The following RAPGEF2 variants were observed in gnomAD, a reference collection of about 807,000 sequenced individuals.
RAPGEF2 encodes PDZ domain containing guanine nucleotide exchange factor (GEF) 1.
A neutral mutation model predicts 186.7 loss-of-function variants in RAPGEF2; 54 were observed. The ratio of observed to expected loss-of-function variants is 0.29; its 90% CI spans 0.23 to 0.36. The LOEUF (loss-of-function observed/expected upper bound fraction) is 0.36, where lower values mean the gene tolerates loss of function less well. RAPGEF2 is among the 10% of genes least tolerant of loss of function. The pLI is 1.00. For synonymous variants in RAPGEF2, 712 were observed against 705.9 expected (o/e 1.01, Z -0.14); for missense variants, 1,532 against 2,045.0 (o/e 0.75, Z 4.84).
chr4:159,119,925 T>C lies in RAPGEF2; in HGVS notation c.69+15694T>C, dbSNP rs116722162. ...ATTTCATTTTTTTGGGTGCTCCAATTGTATGTACTGATATGTCTACTTGTA... is the reference window on the plus strand; with the variant it reads ...ATTTCATTTTTTTGGGTGCTCCAATCGTATGTACTGATATGTCTACTTGTA... On this transcript the variant is annotated intron_variant, in intron 1 of 29. Coordinates refer to ENST00000691494, the MANE Select transcript of RAPGEF2 (RefSeq NM_001394067.2). 8.6e-3 allele frequency among the ~76,000 whole-genome samples: 1,308 copies of C among 152,348 alleles called. 24 individuals carry two copies. The highest frequency in any genetic ancestry group is 0.03 in the African/African-American group (1,243 of 41,584).
chr4:159,316,069 G>A (rs911435574), intron 9 of RAPGEF2, among the ~76,000 whole-genome samples: 5 of 152,084 alleles, frequency 3.3e-5, no homozygotes, highest in African/African-American at 9.7e-5. Context: ...ACCATGGTCC[G>A]CCTGGCAACG....
chr4:159,346,758 TG>T (rs779768372), intron 24 of RAPGEF2, 30 bp from the exon 25 acceptor site: 17 of 1,574,976 alleles, frequency 1.1e-5, no homozygotes, highest in Non-Finnish European at 1.2e-5. Context: ...TAAAATTCTT[TG>T]TTCTATTTTC....
At chr4:159,322,289 G>T in intron 9 of RAPGEF2, 58 bp from the exon 10 acceptor site, 1 of 1,524,480 alleles carries the variant, frequency 6.6e-7, no homozygotes, top group South Asian at 1.2e-5. Context: ...CATTCTTTTT[G>T]AATACTTGTT....
intron 24 of RAPGEF2, 34 bp from the exon 25 acceptor site, chr4:159,346,755 C>A (rs375977073): frequency 2.8e-4 from 443 of 1,565,222 alleles, no homozygotes; most frequent in Non-Finnish European, 3.6e-4. Context: ...ATCTAAAATT[C>A]TTTGTTCTAT....
chr4:159,319,146 G>C (rs1001003793), intron 9 of RAPGEF2, among the ~76,000 whole-genome samples: 2 of 151,990 alleles, frequency 1.3e-5, no homozygotes, highest in East Asian at 3.9e-4. Context: ...AGAGTTTTGA[G>C]CCCCCTGTAG....
chr4:159,157,210 T>C (rs1183490912), intron 1 of RAPGEF2, among the ~76,000 whole-genome samples: 1 of 152,194 alleles, frequency 6.6e-6, no homozygotes, highest in African/African-American at 2.4e-5. Context: ...CAGACTCCAT[T>C]AACCATGAAG....
chr4:159,158,371 C>T (rs1423375841), intron 1 of RAPGEF2, among the ~76,000 whole-genome samples: 1 of 152,124 alleles, frequency 6.6e-6, no homozygotes, highest in Non-Finnish European at 1.5e-5. Flanking sequence ...TCCTTTGGCT[C>T]TCCTTTTTGT....
intron 17 of RAPGEF2, among the ~76,000 whole-genome samples, chr4:159,335,835 CAAAAAAAAAAA>C (rs778302629): frequency 8.3e-5 from 4 of 48,154 alleles, no homozygotes; most frequent in African/African-American, 2.2e-4. Flanking sequence ...GACTCCGTCT[CAAAAAAAAAAA>C]AAAAAAAAAA....
intron 25 of RAPGEF2, among the ~76,000 whole-genome samples, chr4:159,348,958 A>G (rs1273467925): frequency 6.6e-6 from 1 of 152,232 alleles, no homozygotes; most frequent in East Asian, 1.9e-4. Flanking sequence ...CTACATCTTT[A>G]ACATTGGTGT....
At chr4:159,238,368 GA>G (rs984725202) in intron 4 of RAPGEF2, among the ~76,000 whole-genome samples, 6 of 151,864 alleles carry the variant, frequency 4.0e-5, no homozygotes, top group African/African-American at 1.2e-4. Flanking sequence ...CTTTTTAGGT[GA>G]AAAAAAAGTT....
intron 1 of RAPGEF2, among the ~76,000 whole-genome samples, chr4:159,166,626 G>T (rs754864874): frequency 6.6e-6 from 1 of 152,120 alleles, no homozygotes; most frequent in Non-Finnish European, 1.5e-5. Context: ...GGATTGTGGG[G>T]AGTAAAAAGA....
intron 4 of RAPGEF2, among the ~76,000 whole-genome samples, chr4:159,226,451 G>C (rs1752043278): frequency 6.6e-6 from 1 of 151,982 alleles, no homozygotes; most frequent in South Asian, 2.1e-4. Context: ...GTTCTTGATT[G>C]TTTTTATTCT....
chr4:159,293,150 A>C (rs1296773355), intron 7 of RAPGEF2, among the ~76,000 whole-genome samples: 1 of 152,158 alleles, frequency 6.6e-6, no homozygotes, highest in Non-Finnish European at 1.5e-5. Context: ...TATTTTATGA[A>C]GATGATATAA....
chr4:159,219,274 A>G (rs1371986696), intron 4 of RAPGEF2, among the ~76,000 whole-genome samples: 2 of 150,886 alleles, frequency 1.3e-5, no homozygotes, highest in African/African-American at 4.9e-5. Context: ...AATGGGCGGT[A>G]TATGTATTGT....
chr4:159,193,373 T>C, intron 3 of RAPGEF2, 117 bp downstream of exon 3: 1 of 465,588 alleles, frequency 2.1e-6, no homozygotes, highest in Non-Finnish European at 3.6e-6. Flanking sequence ...TTTTTCTTAG[T>C]TGAGAAATGG....
At chr4:159,299,562 GGAA>G (rs1762410466) in intron 7 of RAPGEF2, among the ~76,000 whole-genome samples, 1 of 152,056 alleles carries the variant, frequency 6.6e-6, no homozygotes, top group Non-Finnish European at 1.5e-5. Context: ...AGGACGGAAA[GGAA>G]GAAGAAGGGC....
At chr4:159,120,425 T>C (rs145551116) in intron 1 of RAPGEF2, among the ~76,000 whole-genome samples, 33 of 152,372 alleles carry the variant, frequency 2.2e-4, no homozygotes, top group African/African-American at 7.7e-4. Flanking sequence ...CATAACTTTA[T>C]GTCTTTAAGA....
intron 7 of RAPGEF2, among the ~76,000 whole-genome samples, chr4:159,251,965 C>T (rs1339017016): frequency 2.6e-5 from 4 of 151,900 alleles, no homozygotes; most frequent in Admixed American, 1.3e-4. Flanking sequence ...AGGTCTGCAG[C>T]TTCCCTCCTG....
intron 2 of RAPGEF2, among the ~76,000 whole-genome samples, chr4:159,189,778 AAG>A (rs1194102973): frequency 6.6e-6 from 1 of 151,476 alleles, no homozygotes; most frequent in Non-Finnish European, 1.5e-5. Flanking sequence ...ATTTTCATAT[AAG>A]AGATTTTATC....
Sources: gnomAD v4.1 joint callset for allele counts (sites outside exome capture counted in the v4.1 genomes callset) on GRCh38, gnomAD v4.1.1 for gene constraint, MANE v1.5 for transcripts, NCBI Gene and HGNC (gene_info 2026-07-23, HGNC 2026-07-21) for gene names.